CEP192: variants seen among roughly 807,000 people sequenced by gnomAD.
CEP192 encodes centrosomal protein of 192 kDa.
In CEP192, 151 loss-of-function variants were observed where a neutral mutation model predicts 271.8. The observed-to-expected ratio is 0.56, with a 90% CI of 0.49 to 0.64. CEP192 has a LOEUF of 0.64. Among genes scored for constraint, CEP192 ranks in the 30% least tolerant of loss-of-function variants. CEP192 has a pLI of 0.00. For synonymous variants in CEP192, 995 were observed against 1,076.5 expected (o/e 0.92, Z 1.48); for missense variants, 2,910 against 3,020.5 (o/e 0.96, Z 0.86).
At chr18:13,093,513 A>G (rs1702134156) in intron 34 of CEP192, among the ~76,000 whole-genome samples, 1 of 152,216 alleles carries the variant, frequency 6.6e-6, no homozygotes, top group Non-Finnish European at 1.5e-5. Flanking sequence ...AGAATCAAAG[A>G]CTTCATCCAG....
chr18:13,052,047 C>T (rs1008801005), intron 17 of CEP192, among the ~76,000 whole-genome samples: 3 of 152,202 alleles, frequency 2.0e-5, no homozygotes, highest in African/African-American at 7.2e-5. Flanking sequence ...ATCCCCTGTG[C>T]TCTTTTGCAC....
At position 13,067,883 on chromosome 18, in the gene CEP192, G is replaced by A; in HGVS notation, c.4541G>A (p.Gly1514Asp). 1 of 1,612,878 alleles carries A rather than the reference G, an allele frequency of 6.2e-7. No individual in the cohort carries two copies. Among genetic ancestry groups the A allele is most frequent in the Non-Finnish European group, 8.5e-7 (1 of 1,178,896 alleles). The change falls in exon 22 of 45, where the codon GGC becomes GAC. Residue 1514 changes from glycine to aspartate, a missense_variant. Gly to Asp is a moderately conservative substitution (Grantham distance 94). Coordinates refer to ENST00000506447, the MANE Select transcript of CEP192 (RefSeq NM_032142.4). ...VLDFGDLTYGGWKALPLKLIN... is the reference protein window; with the variant it reads ...VLDFGDLTYGDWKALPLKLIN... ...GATTTTGGTGACTTGACTTATGGAG[G>A]CTGGAAAGCCCTCCCACTAAAATTG...
chr18:13,114,275 T>A lies in CEP192; in HGVS notation c.7289+24T>A, dbSNP rs147136394. Reference sequence around the variant, plus strand: ...GAGTATGTTGTTTTTGTCATTCTTATGAGTTTTTTCCCAGTACTTTATTGA... The same window carrying A: ...GAGTATGTTGTTTTTGTCATTCTTAAGAGTTTTTTCCCAGTACTTTATTGA... On this transcript the variant is annotated intron_variant, in intron 42 of 44. Coordinates refer to ENST00000506447, the MANE Select transcript of CEP192 (RefSeq NM_032142.4). The A allele has an allele frequency of 2.5e-6, 4 of 1,608,264 alleles. No individual in the cohort carries two copies. The African/African-American group carries it at 5.4e-5, about 22-fold the overall frequency.
At chr18:13,031,437 C>CG (rs1258185509) in intron 11 of CEP192, among the ~76,000 whole-genome samples, 4 of 151,788 alleles carry the variant, frequency 2.6e-5, no homozygotes, top group African/African-American at 9.7e-5. Context: ...TTAGTAGAGA[C>CG]GGGGTTTCAC....
At position 13,124,624 on chromosome 18, in the gene CEP192, C is replaced by T. The variant is rs1463208739; in HGVS notation, c.7476-8C>T. 2.5e-6 allele frequency: 4 copies of T among 1,606,378 alleles called. No individual in the cohort carries two copies. The highest frequency in any genetic ancestry group is 2.2e-5 in the East Asian group (1 of 44,724). ...ACATGCTGCTGTCATGTGCCTCTCTCTTTCCAGAGCCCAGCATTACATCAA... is the reference window on the plus strand; with the variant it reads ...ACATGCTGCTGTCATGTGCCTCTCTTTTTCCAGAGCCCAGCATTACATCAA... On this transcript the variant is annotated splice_region_variant and splice_polypyrimidine_tract_variant and intron_variant, in intron 44 of 44. Transcript: ENST00000506447.
At position 13,056,393 on chromosome 18, in the gene CEP192, C is replaced by T; in HGVS notation, c.3803C>T (p.Thr1268Ile). The T allele has an allele frequency of 6.2e-7, 1 of 1,614,254 alleles. No individual in the cohort carries two copies. The highest frequency in any genetic ancestry group is 1.1e-5 in the South Asian group (1 of 91,088). ...AAPFAQRYLG[T>I]LPSTGSTTLP... is the part of the protein sequence containing the mutation. ...CCTTTTGCTCAGCGGTATTTGGGAA[C>T]ACTCCCTTCAACTGGAAGCACCACC... The change falls in exon 19 of 45, where the codon ACA becomes ATA. Residue 1268 changes from threonine to isoleucine, a missense_variant. By Grantham distance (89) the Thr-to-Ile change is moderately conservative. Coordinates refer to ENST00000506447, the MANE Select transcript of CEP192 (RefSeq NM_032142.4).
At position 13,049,621 on chromosome 18, in the gene CEP192, A is replaced by T. The variant is rs1401116147; in HGVS notation, c.2830A>T (p.Ser944Cys). 6.2e-7 allele frequency: 1 copy of T among 1,613,692 alleles called. No individual in the cohort carries two copies. Among genetic ancestry groups the T allele is most frequent in the African/African-American group, 1.3e-5 (1 of 74,898 alleles). ...QRQNECVSEI[S>C]NSEKHVTFEN... ...GCAAAATGAGTGTGTCAGTGAAATA[A>T]GCAACAGTGAGAAGCATGTGACTTT... Residue 944 changes from serine to cysteine, a missense_variant, in exon 16 of 45, where the codon AGC becomes TGC. By Grantham distance (112) the Ser-to-Cys change is moderately radical. Coordinates refer to ENST00000506447, the MANE Select transcript of CEP192 (RefSeq NM_032142.4).
intron 9 of CEP192, among the ~76,000 whole-genome samples, chr18:13,027,508 C>T (rs903326635): frequency 2.0e-5 from 3 of 152,142 alleles, no homozygotes; most frequent in African/African-American, 7.2e-5. Context: ...GTGGAGGTTT[C>T]TGCTTGGGAG....
intron 2 of CEP192, among the ~76,000 whole-genome samples, chr18:13,000,091 CTTTT>C (rs775544715): frequency 0.029 from 2,248 of 76,720 alleles, 197 homozygotes; most frequent in African/African-American, 0.054. Context: ...TGTCTTCTCT[CTTTT>C]TTTTTTTTTT....
At chr18:13,052,218 C>T (rs2036834678) in intron 17 of CEP192, among the ~76,000 whole-genome samples, 1 of 152,182 alleles carries the variant, frequency 6.6e-6, no homozygotes, top group African/African-American at 2.4e-5. Context: ...ACTTCCTGAT[C>T]TTTTCATTTT....
intron 38 of CEP192, among the ~76,000 whole-genome samples, chr18:13,102,416 C>T (rs2039752723): frequency 6.6e-6 from 1 of 152,062 alleles, no homozygotes; most frequent in African/African-American, 2.4e-5. Flanking sequence ...CAGTACACTC[C>T]ACCATCACCA....
At chr18:13,062,795 C>T (rs1222908692) in intron 21 of CEP192, among the ~76,000 whole-genome samples, 1 of 152,118 alleles carries the variant, frequency 6.6e-6, no homozygotes, top group African/African-American at 2.4e-5. Context: ...CTATAGTCAT[C>T]CTATTGTGCT....
At position 13,037,293 on chromosome 18, in the gene CEP192, T is replaced by C; in HGVS notation, c.1591T>C (p.Phe531Leu). The C allele has an allele frequency of 7.7e-7, 1 of 1,305,280 alleles. No homozygotes were observed. Among genetic ancestry groups the C allele is most frequent in the Non-Finnish European group, 1.1e-6 (1 of 926,698 alleles). The allele number at this position is 1,305,280 out of a possible 1,614,324, so 80.9% of individuals were successfully genotyped here. Reference protein sequence around the residue: ...DEEEFNKEHQFIQEENIDAHN... With the variant: ...DEEEFNKEHQLIQEENIDAHN... ...AGAAGAATTTAATAAAGAGCATCAA[T>C]TTATACAGGTTTGTAATTATTTGTT... is the stretch of plus-strand genomic sequence containing the variant. Residue 531 changes from phenylalanine (F) to leucine (L), a missense_variant, in exon 12 of 45, where the codon TTT (phenylalanine) becomes CTT (leucine). Physicochemically the swap from Phe to Leu is conservative, Grantham distance 22. Coordinates refer to ENST00000506447, the MANE Select transcript of CEP192 (RefSeq NM_032142.4).
chr18:13,045,522 A>G (rs1330332184), intron 15 of CEP192, among the ~76,000 whole-genome samples: 1 of 152,178 alleles, frequency 6.6e-6, no homozygotes, highest in African/African-American at 2.4e-5. Flanking sequence ...AATGTCTGTT[A>G]TGTGACTTAA....
intron 30 of CEP192, among the ~76,000 whole-genome samples, chr18:13,078,276 G>T (rs1460259998): frequency 6.6e-6 from 1 of 152,034 alleles, no homozygotes; most frequent in East Asian, 1.9e-4. Flanking sequence ...CCTTTTTTAT[G>T]GCTGTATAGT....
intron 10 of CEP192, 70 bp downstream of exon 10, chr18:13,030,072 C>A: frequency 8.4e-7 from 1 of 1,184,680 alleles, no homozygotes; most frequent in Non-Finnish European, 1.2e-6. Flanking sequence ...GACATATTTT[C>A]ATGTGAAATG....
intron 32 of CEP192, 27 bp from the exon 33 acceptor site, chr18:13,089,429 A>G: frequency 8.4e-7 from 1 of 1,184,736 alleles, no homozygotes; most frequent in East Asian, 2.4e-5. Flanking sequence ...TCACTTTTAA[A>G]TAATAAAAAA....
chr18:13,049,845 C>T lies in CEP192; in HGVS notation c.2971C>T (p.Leu991=). ...QESFRPSTSP[L]SHSSPSEISG... The stretch of plus-strand genomic sequence containing the variant: ...GAGCTTCAGACCTTCCACGTCACCA[C>T]TGAGTCATTCTTCTCCTAGTGAAAT... Residue 991 remains leucine, a synonymous_variant, in exon 17 of 45, where the codon CTG becomes TTG. Coordinates refer to ENST00000506447, the MANE Select transcript of CEP192 (RefSeq NM_032142.4). 2 of 1,613,998 alleles carry T rather than the reference C, an allele frequency of 1.2e-6. No homozygotes were observed. Among genetic ancestry groups the T allele is most frequent in the East Asian group, 4.5e-5 (2 of 44,878 alleles).
At chr18:13,007,463 G>A (rs1243831487) in intron 3 of CEP192, among the ~76,000 whole-genome samples, 3 of 151,982 alleles carry the variant, frequency 2.0e-5, no homozygotes, top group Admixed American at 2.0e-4. Flanking sequence ...TCTCAGGGAG[G>A]GCTTTAAACA....
Sources: gnomAD v4.1 joint callset for allele counts (sites outside exome capture counted in the v4.1 genomes callset) on GRCh38, gnomAD v4.1.1 for gene constraint, MANE v1.5 for transcripts, NCBI Gene and HGNC (gene_info 2026-07-23, HGNC 2026-07-21) for gene names.